DNAH17: variants seen among roughly 807,000 people sequenced by gnomAD.
DNAH17 encodes the protein axonemal beta dynein heavy chain 17.
In DNAH17, 376 loss-of-function variants were observed where a neutral mutation model predicts 485.6. The observed-to-expected ratio is 0.77, with a 90% CI of 0.71 to 0.84. DNAH17 has a LOEUF of 0.84. Ranked by LOEUF, DNAH17 falls within the 40% of genes least tolerant of loss-of-function variation. The pLI is 0.00. For missense variants in DNAH17, 6,370 were observed against 5,839.3 expected, an observed-to-expected ratio of 1.09 and a Z score of -2.96; for synonymous variants, 3,031 against 2,405.9, an observed-to-expected ratio of 1.26 and a Z score of -7.60.
At chr17:78,475,934 T>C in intron 52 of DNAH17, 101 bp from the exon 53 acceptor site, 1 of 1,334,182 alleles carries the variant, frequency 7.5e-7, no homozygotes. Flanking sequence ...GCCTAGGAGG[T>C]CACCACGGGG....
intron 80 of DNAH17, chr17:78,424,520 G>T (rs2086324303): frequency 3.9e-6 from 1 of 254,942 alleles, no homozygotes; most frequent in Non-Finnish European, 7.6e-6. Context: ...TCTGCCCTAT[G>T]TGTACATACA....
chr17:78,494,741 C>A lies in DNAH17; in HGVS notation c.6122G>T (p.Arg2041Leu), dbSNP rs759679066. The A allele has an allele frequency of 1.2e-6, 2 of 1,613,642 alleles. No individual in the cohort carries two copies. Among genetic ancestry groups the A allele is most frequent in the South Asian group, 2.2e-5 (2 of 91,088 alleles). ...AGSLKRGDPS[R>L]AEDQVLMRAL... Reference sequence around the variant, plus strand: ...CCGCATGAGCACCTGGTCCTCTGCCCGGCTGGGGTCGCCCCTCTTCAGGGA... The same window carrying A: ...CCGCATGAGCACCTGGTCCTCTGCCAGGCTGGGGTCGCCCCTCTTCAGGGA... The change falls in exon 40 of 81, where the codon CGG (arginine) becomes CTG (leucine). Residue 2041 changes from arginine to leucine, a missense_variant. Coordinates refer to ENST00000389840, the MANE Select transcript of DNAH17 (RefSeq NM_173628.4).
chr17:78,486,146 A>T lies in DNAH17; in HGVS notation c.7102-13T>A. ...GATAATCCACAAGCTGTTGAGACACAGAAGTAAAAATCAGGGCCCAGCTAA... is the reference window on the plus strand; with the variant it reads ...GATAATCCACAAGCTGTTGAGACACTGAAGTAAAAATCAGGGCCCAGCTAA... On this transcript the variant is annotated splice_polypyrimidine_tract_variant and intron_variant, in intron 45 of 80. Coordinates refer to ENST00000389840, the MANE Select transcript of DNAH17 (RefSeq NM_173628.4). 1 of 1,610,744 alleles carries T rather than the reference A, an allele frequency of 6.2e-7. No individual in the cohort carries two copies. The highest frequency in any genetic ancestry group is 1.1e-5 in the South Asian group (1 of 90,640).
At chr17:78,445,428 G>A in intron 70 of DNAH17, 130 bp downstream of exon 70, 2 of 1,299,810 alleles carry the variant, frequency 1.5e-6, no homozygotes, top group Non-Finnish European at 2.1e-6. Context: ...TATGTGCGGG[G>A]CCTCCTTGCT....
At chr17:78,500,026 G>C in intron 36 of DNAH17, 2 of 386,342 alleles carry the variant, frequency 5.2e-6, no homozygotes, top group Non-Finnish European at 9.5e-6. Flanking sequence ...TCCCCAGTTC[G>C]GGGCAATCTT....
intron 16 of DNAH17, among the ~76,000 whole-genome samples, chr17:78,548,019 A>G (rs1422621901): frequency 6.6e-6 from 1 of 152,020 alleles, no homozygotes; most frequent in East Asian, 1.9e-4. Flanking sequence ...AATTTCCTAA[A>G]ATTGTCCTCC....
intron 73 of DNAH17, 30 bp from the exon 74 acceptor site, chr17:78,437,898 A>G (rs781210502): frequency 1.3e-6 from 2 of 1,554,084 alleles, no homozygotes; most frequent in Non-Finnish European, 1.8e-6. Flanking sequence ...CTGGTTACAC[A>G]CTTTGCCCAG....
chr17:78,502,701 G>A lies in DNAH17; in HGVS notation c.5083-3C>T. 6.2e-7 allele frequency: 1 copy of A among 1,610,984 alleles called. No homozygotes were observed. Among genetic ancestry groups the A allele is most frequent in the African/African-American group, 1.3e-5 (1 of 75,026 alleles). On this transcript the variant is annotated splice_polypyrimidine_tract_variant and splice_region_variant and intron_variant, in intron 32 of 80. Transcript: ENST00000389840. ...ATCTGGGTGCAAGTCAGGGCCACCT[G>A]AAAGTACATACCCCCCATTGCCCAC...
chr17:78,545,747 A>T (rs1310751374), intron 16 of DNAH17, among the ~76,000 whole-genome samples: 1 of 151,914 alleles, frequency 6.6e-6, no homozygotes, highest in African/African-American at 2.4e-5. Context: ...CCATTTTTCA[A>T]CTCTTCTAAT....
intron 17 of DNAH17, among the ~76,000 whole-genome samples, chr17:78,542,396 C>T (rs921911088): frequency 6.6e-6 from 1 of 152,168 alleles, no homozygotes; most frequent in African/African-American, 2.4e-5. Context: ...GATCCACCCA[C>T]CTCGGCCTCC....
chr17:78,571,027 T>C lies in DNAH17; in HGVS notation c.839A>G (p.Lys280Arg). ...ATAGAGCACGATGTCGTTGGCTTCC[T>C]TCAGCCCTGCACGGAACAAGAACAA... Reference protein sequence around the residue: ...NVYTNVTEGLKEANDIVLYLK... With the variant: ...NVYTNVTEGLREANDIVLYLK... Residue 280 changes from lysine (K) to arginine (R), a missense_variant, in exon 6 of 81, where the codon AAG (lysine) becomes AGG (arginine). Coordinates refer to ENST00000389840, the MANE Select transcript of DNAH17 (RefSeq NM_173628.4). 2 of 1,571,098 alleles carry C rather than the reference T, an allele frequency of 1.3e-6. No individual in the cohort carries two copies. The highest frequency in any genetic ancestry group is 8.6e-7 in the Non-Finnish European group (1 of 1,157,718).
At chr17:78,452,096 CCT>C (rs1405220806) in intron 65 of DNAH17, among the ~76,000 whole-genome samples, 1 of 151,858 alleles carries the variant, frequency 6.6e-6, no homozygotes, top group Admixed American at 6.6e-5. Flanking sequence ...CCTGCTGTCC[CCT>C]CTTTGTAGCT....
intron 20 of DNAH17, among the ~76,000 whole-genome samples, chr17:78,532,210 C>G (rs984556700): frequency 6.6e-6 from 1 of 152,180 alleles, no homozygotes. Flanking sequence ...AATAAAGGCT[C>G]TTTATTTTCC....
chr17:78,446,906 C>T (rs770152286), intron 69 of DNAH17, among the ~76,000 whole-genome samples: 4 of 152,126 alleles, frequency 2.6e-5, no homozygotes, highest in Non-Finnish European at 2.9e-5. Flanking sequence ...GGCCTCCCAA[C>T]GTACCAGGAT....
intron 16 of DNAH17, among the ~76,000 whole-genome samples, chr17:78,545,814 A>G (rs2091745340): frequency 6.6e-6 from 1 of 152,102 alleles, no homozygotes; most frequent in African/African-American, 2.4e-5. Context: ...GGAACACAAC[A>G]TTTTAGGACA....
chr17:78,552,148 G>A (rs921688115), intron 15 of DNAH17, among the ~76,000 whole-genome samples: 7 of 152,282 alleles, frequency 4.6e-5, no homozygotes, highest in African/African-American at 9.6e-5. Flanking sequence ...TGGACATAGG[G>A]TTTGGAGAAT....
intron 16 of DNAH17, among the ~76,000 whole-genome samples, chr17:78,551,281 G>C (rs948448188): frequency 1.1e-4 from 16 of 152,222 alleles, no homozygotes; most frequent in Admixed American, 1.3e-4. Context: ...CCTTGCTACT[G>C]GCACTGGCCT....
chr17:78,466,036 CTG>C (rs2146553987), intron 56 of DNAH17, among the ~76,000 whole-genome samples: 1 of 152,214 alleles, frequency 6.6e-6, no homozygotes, highest in African/African-American at 2.4e-5. Context: ...GTTGCCGTGT[CTG>C]TGTAGAAAGA....
At chr17:78,434,926 G>A (rs917298972) in intron 74 of DNAH17, among the ~76,000 whole-genome samples, 1 of 152,206 alleles carries the variant, frequency 6.6e-6, no homozygotes, top group Non-Finnish European at 1.5e-5. Context: ...CACAGTGGCC[G>A]AGGATCCCGC....
Sources: allele counts gnomAD v4.1 joint callset (sites outside exome capture counted in the v4.1 genomes callset), GRCh38; gene constraint gnomAD v4.1.1; transcripts MANE v1.5; gene names NCBI Gene and HGNC (gene_info 2026-07-23, HGNC 2026-07-21).